Variants in XAGE3 observed in about 807,000 individuals in gnomAD.
The protein encoded by XAGE3 is X antigen family member 3.
XAGE3 carries 6 observed loss-of-function variants against 9.2 expected under a neutral mutation model. The observed-to-expected ratio is 0.65, with a 90% CI of 0.36 to 1.29. The LOEUF (loss-of-function observed/expected upper bound fraction) is 1.29, where lower values mean the gene tolerates loss of function less well. XAGE3 is among the 50% of genes most tolerant of loss of function. The pLI is 0.03. For synonymous variants in XAGE3, 26 were observed against 28.2 expected (o/e 0.92, Z 0.25); for missense variants, 70 against 82.8 (o/e 0.85, Z 0.60).
At chrX:52,866,936 C>T in intron 2 of XAGE3, 117 bp downstream of exon 2, 1 of 703,384 alleles carries the variant, frequency 1.4e-6, no homozygotes, top group Admixed American at 2.6e-5. Flanking sequence ...CATGGGAGAC[C>T]TTTATTGGTA....
chrX:52,862,529 T>G lies in XAGE3; in HGVS notation c.*89A>C. 9.0e-7 allele frequency: 1 copy of G among 1,114,908 alleles called. No individual in the cohort carries two copies. The highest frequency in any genetic ancestry group is 1.2e-6 in the Non-Finnish European group (1 of 820,609). 91.9% of individuals were successfully genotyped at this position (1,114,908 alleles called of 1,213,427 possible). On this transcript the variant is annotated 3_prime_UTR_variant, in exon 5 of 5. Transcript: ENST00000346279. ...TGAACAAAAAATGTGCAAGACTTCTTTGGAGAAAGCTGCAAAAGTTTATTT... is the reference window on the plus strand; with the variant it reads ...TGAACAAAAAATGTGCAAGACTTCTGTGGAGAAAGCTGCAAAAGTTTATTT...
At chrX:52,862,672 A>G (rs1556783844) in intron 4 of XAGE3, 32 bp from the exon 5 acceptor site, 2 of 1,209,562 alleles carry the variant, frequency 1.7e-6, no homozygotes, top group East Asian at 3.0e-5. Flanking sequence ...AGGGAACATT[A>G]GTAGCAGAAC....
At position 52,866,550 on chromosome X, in the gene XAGE3, G is replaced by GGT. The variant is rs5902508; in HGVS notation, c.82-14_82-13dup. 34,201 of 1,114,462 alleles carry GGT rather than the reference G, an allele frequency of 0.031. 354 individuals are homozygous for GGT. The highest frequency in any genetic ancestry group is 0.13 in the African/African-American group (6,678 of 52,664). 91.8% of individuals were successfully genotyped at this position (1,114,462 alleles called of 1,213,427 possible). ...TCATCACCGGGCTCCTGGAACCAGG[G>GGT]GTGTGTGTGTGTGTGTGTGTGTGTG... is the stretch of plus-strand genomic sequence containing the variant. On this transcript the variant is annotated splice_polypyrimidine_tract_variant and intron_variant, in intron 2 of 4. Transcript: ENST00000346279.
At chrX:52,866,907 C>T (rs1602016559) in intron 2 of XAGE3, 146 bp downstream of exon 2, 2 of 542,360 alleles carry the variant, frequency 3.7e-6, no homozygotes, top group Non-Finnish European at 6.2e-6. Context: ...TCATGAGATG[C>T]CATGATTATT....
chrX:52,867,806 G>A (rs782580634), intron 1 of XAGE3, among the ~76,000 whole-genome samples, 200 bp downstream of exon 1: 18 of 110,377 alleles, frequency 1.6e-4, no homozygotes, highest in Non-Finnish European at 3.2e-4. Context: ...TCAACTACGC[G>A]GCCCACCTTC....
chrX:52,867,576 T>A (rs1927924431), intron 1 of XAGE3, among the ~76,000 whole-genome samples: 1 of 110,599 alleles, frequency 9.0e-6, no homozygotes, highest in African/African-American at 3.3e-5. Context: ...GCCACACAGC[T>A]CTGGGCCCTC....
At chrX:52,863,668 T>C (rs1927814745) in intron 4 of XAGE3, among the ~76,000 whole-genome samples, 1 of 112,200 alleles carries the variant, frequency 8.9e-6, no homozygotes, top group Non-Finnish European at 1.9e-5. Context: ...ATACCATATA[T>C]TCAGTATCTG....
Position 52,864,198 on chromosome X carries a change from G to A in XAGE3, c.313+577C>T, listed in dbSNP as rs1192675331. Among the ~76,000 whole-genome samples, 4 of 112,230 alleles carry A rather than the reference G, an allele frequency of 3.6e-5. No homozygotes were observed. The Admixed American group carries it at 3.8e-4, about 11-fold the overall frequency. ...AGCAAGTTGCCCACTCATTTTCTTA[G>A]GAACCATGAAATCTCAACTCAGATA... is the stretch of plus-strand genomic sequence containing the variant. On this transcript the variant is annotated intron_variant, in intron 4 of 4. Transcript: ENST00000346279.
At chrX:52,864,997 C>A (rs1290448646) in intron 3 of XAGE3, 97 bp from the exon 4 acceptor site, 3 of 1,018,983 alleles carry the variant, frequency 2.9e-6, no homozygotes, top group Non-Finnish European at 4.0e-6. Context: ...AAATAAAAGG[C>A]TGCAGGCGAC....
intron 4 of XAGE3, 125 bp downstream of exon 4, chrX:52,864,650 C>T: frequency 1.1e-6 from 1 of 933,208 alleles, no homozygotes; most frequent in South Asian, 2.3e-5. Context: ...CAATTGGGGT[C>T]TGAACAACCT....
chrX:52,864,181 G>T (rs1476203033), intron 4 of XAGE3, among the ~76,000 whole-genome samples: 1 of 112,179 alleles, frequency 8.9e-6, no homozygotes, highest in African/African-American at 3.2e-5. Context: ...GAAGCAAGTT[G>T]CCCACTCATT....
chrX:52,865,012 G>A, intron 3 of XAGE3, 112 bp from the exon 4 acceptor site: 1 of 939,814 alleles, frequency 1.1e-6, no homozygotes, highest in Non-Finnish European at 1.5e-6. Context: ...GGCGACTGTG[G>A]TAATAAATGT....
chrX:52,867,096 G>C lies in XAGE3; in HGVS notation c.38C>G (p.Pro13Arg), dbSNP rs782034927. 18 of 1,209,180 alleles carry C rather than the reference G, an allele frequency of 1.5e-5. No homozygotes were observed. The highest frequency in any genetic ancestry group is 1.0e-4 in the African/African-American group (6 of 57,536). The change falls in exon 2 of 5, where the codon CCG becomes CGG. Residue 13 changes from proline (P) to arginine (R), a missense_variant. Pro to Arg is a moderately radical substitution (Grantham distance 103, BLOSUM62 -2). Transcript: ENST00000346279. ...WRGRSTYRPR[P>R]RRSVPPPELI... ...CTCAGGAGGTGGTACACTTCTCCTCGGCCTAGGCCTATATGTTGATCTTCC... is the reference window on the plus strand; with the variant it reads ...CTCAGGAGGTGGTACACTTCTCCTCCGCCTAGGCCTATATGTTGATCTTCC...
Position 52,866,550 on chromosome X carries a change from GGTGTGTGT to G in XAGE3, c.82-20_82-13del. On this transcript the variant is annotated splice_polypyrimidine_tract_variant and intron_variant, in intron 2 of 4. Transcript: ENST00000346279. ...TCATCACCGGGCTCCTGGAACCAGG[GGTGTGTGT>G]GTGTGTGTGTGTGTGTGCAGATAAA... The G allele has an allele frequency of 8.7e-7, 1 of 1,148,406 alleles. No homozygotes were observed. The highest frequency in any genetic ancestry group is 1.2e-6 in the Non-Finnish European group (1 of 850,488). The allele number at this position is 1,148,406 out of a possible 1,213,427, so 94.6% of individuals were successfully genotyped here. A position where few individuals can be genotyped will look rare whatever the true frequency, so the allele number is the denominator to read the frequency against.
rs377323488 is a variant in XAGE3 at position 52,864,814 on chromosome X, T to G, written c.274A>C (p.Ile92Leu). The G allele has an allele frequency of 8.3e-7, 1 of 1,209,763 alleles. No individual in the cohort carries two copies. Among genetic ancestry groups the G allele is most frequent in the African/African-American group, 1.7e-5 (1 of 57,214 alleles). Reference protein sequence around the residue: ...CGNGPDDQGKILPKSEQFKMP... With the variant: ...CGNGPDDQGKLLPKSEQFKMP... ...TTAAATTGTTCTGATTTTGGCAGAA[T>G]CTTCCCCTGGTCATCAGGACCATTT... Residue 92 changes from isoleucine to leucine, a missense_variant, in exon 4 of 5, where the codon ATT (isoleucine) becomes CTT (leucine). Coordinates refer to ENST00000346279, the MANE Select transcript of XAGE3 (RefSeq NM_133179.3).
At chrX:52,866,974 AAAAC>A (rs1361207031) in intron 2 of XAGE3, 75 bp downstream of exon 2, 1 of 1,022,528 alleles carries the variant, frequency 9.8e-7, no homozygotes, top group Non-Finnish European at 1.4e-6. Context: ...CAACAATTAC[AAAAC>A]ATAGTTTTGC....
rs1478452027 is a variant in XAGE3, at chrX:52,867,050, C to T, written c.81+3G>A. On this transcript the variant is annotated splice_donor_region_variant and intron_variant, in intron 2 of 4. Transcript: ENST00000346279. The stretch of plus-strand genomic sequence containing the variant: ...AGAAAACATCAAAGGTTAAGGCACT[C>T]ACCAGCATAGGCCCAATCAGCTCAG... 8.3e-7 allele frequency: 1 copy of T among 1,209,808 alleles called. No individual in the cohort carries two copies. Among genetic ancestry groups the T allele is most frequent in the African/African-American group, 1.7e-5 (1 of 57,615 alleles).
intron 3 of XAGE3, among the ~76,000 whole-genome samples, chrX:52,866,058 TCTA>T (rs1927875910): frequency 9.0e-6 from 1 of 111,496 alleles, no homozygotes; most frequent in South Asian, 3.8e-4. Context: ...GACTTGGCAT[TCTA>T]CATGCTATTA....
At chrX:52,862,898 A>G (rs1480934144) in intron 4 of XAGE3, among the ~76,000 whole-genome samples, 1 of 114,538 alleles carries the variant, frequency 8.7e-6, no homozygotes, top group African/African-American at 3.2e-5. Flanking sequence ...CTAACTTCAG[A>G]GCACTTTAAA....
Sources: gnomAD v4.1 joint callset for allele counts (sites outside exome capture counted in the v4.1 genomes callset) on GRCh38, gnomAD v4.1.1 for gene constraint, MANE v1.5 for transcripts, NCBI Gene and HGNC (gene_info 2026-07-23, HGNC 2026-07-21) for gene names.